ACSS3: variants seen among roughly 807,000 people sequenced by gnomAD.
The protein encoded by ACSS3 is acyl-CoA synthetase short-chain family member 3, mitochondrial.
ACSS3 carries 64 observed loss-of-function variants against 84.2 expected under a neutral mutation model. The observed-to-expected ratio is 0.76, with a 90% confidence interval of 0.62 to 0.94. The LOEUF (loss-of-function observed/expected upper bound fraction) is 0.94. Ranked by LOEUF, ACSS3 falls within the 40% of genes least tolerant of loss-of-function variation. The pLI is 0.00. For synonymous variants in ACSS3, 317 were observed against 310.1 expected, an observed-to-expected ratio of 1.02 and a Z score of -0.23; for missense variants, 815 against 867.6, an observed-to-expected ratio of 0.94 and a Z score of 0.76.
chr12:81,253,449 TTAAC>T (rs754046286), intron 14 of ACSS3, 42 bp from the exon 15 acceptor site: 225 of 1,613,550 alleles, frequency 1.4e-4, no homozygotes, highest in Non-Finnish European at 1.9e-4. Context: ...ACCTGAATAA[TTAAC>T]TAAGGTTAAT....
chr12:81,194,781 C>T (rs950813812), intron 8 of ACSS3, among the ~76,000 whole-genome samples: 6 of 151,830 alleles, frequency 4.0e-5, no homozygotes, highest in African/African-American at 7.3e-5. Context: ...GATAAGTGCT[C>T]AATGCTAATG....
At chr12:81,171,961 T>C (rs2030082468) in intron 7 of ACSS3, among the ~76,000 whole-genome samples, 1 of 152,098 alleles carries the variant, frequency 6.6e-6, no homozygotes. Flanking sequence ...TATAGCTAAA[T>C]ATATCTAAAT....
Position 81,259,442 on chromosome 12 carries a change from T to C in ACSS3, c.*4520T>C. The C allele has an allele frequency of 4.5e-6, 3 of 660,718 alleles. No homozygotes were observed. Among genetic ancestry groups the C allele is most frequent in the Non-Finnish European group, 8.1e-6 (3 of 371,132 alleles). 40.9% of individuals were successfully genotyped at this position (660,718 alleles called of 1,614,324 possible). On this transcript the variant is annotated 3_prime_UTR_variant, in exon 16 of 16. Transcript: ENST00000548058. ...CATCTGTTGTACAGAGTTTATGATG[T>C]AGATGATGTTTATTATTCAAATGAC...
At chr12:81,116,196 G>A (rs1389305542) in intron 2 of ACSS3, among the ~76,000 whole-genome samples, 1 of 151,968 alleles carries the variant, frequency 6.6e-6, no homozygotes, top group Non-Finnish European at 1.5e-5. Context: ...TATCAAAATT[G>A]TAACTGGAAC....
chr12:81,085,052 C>T (rs1881224828), intron 1 of ACSS3, among the ~76,000 whole-genome samples: 1 of 152,120 alleles, frequency 6.6e-6, no homozygotes, highest in South Asian at 2.1e-4. Context: ...TCCTCTCCTC[C>T]CTTTAAGAAG....
chr12:81,142,288 C>A (rs1177397032), intron 4 of ACSS3, among the ~76,000 whole-genome samples: 7 of 152,090 alleles, frequency 4.6e-5, no homozygotes. Context: ...CAGCTAACAT[C>A]TAAGAAAAAA....
At chr12:81,139,737 G>A (rs1210135472) in intron 4 of ACSS3, among the ~76,000 whole-genome samples, 1 of 151,434 alleles carries the variant, frequency 6.6e-6, no homozygotes, top group Admixed American at 6.6e-5. Context: ...CTGGGTTCAT[G>A]CCATTCTCCT....
chr12:81,174,079 G>C (rs897328570), intron 7 of ACSS3, among the ~76,000 whole-genome samples: 6 of 152,152 alleles, frequency 3.9e-5, no homozygotes, highest in Admixed American at 6.5e-5. Context: ...TTATGGGTTA[G>C]TTAGAATGTT....
chr12:81,216,298 T>C (rs2032912791), intron 9 of ACSS3, among the ~76,000 whole-genome samples: 1 of 150,344 alleles, frequency 6.7e-6, no homozygotes, highest in African/African-American at 2.5e-5. Context: ...CGGGGACTGT[T>C]GTGGGGTTGG....
At chr12:81,166,664 A>G (rs547251419) in intron 7 of ACSS3, among the ~76,000 whole-genome samples, 7 of 152,246 alleles carry the variant, frequency 4.6e-5, no homozygotes, top group Non-Finnish European at 1.0e-4. Flanking sequence ...CACTTTGGTG[A>G]TCAGGGTATC....
intron 2 of ACSS3, among the ~76,000 whole-genome samples, chr12:81,130,762 T>C (rs1470954914): frequency 6.6e-6 from 1 of 152,244 alleles, no homozygotes; most frequent in Admixed American, 6.5e-5. Context: ...TGGTTTTAGG[T>C]CTAACATTTA....
intron 1 of ACSS3, among the ~76,000 whole-genome samples, chr12:81,095,734 T>G (rs1322301325): frequency 1.3e-5 from 2 of 152,146 alleles, no homozygotes; most frequent in African/African-American, 4.8e-5. Flanking sequence ...TAATCCGAGA[T>G]GATCTGGCAA....
At chr12:81,230,873 TG>T in intron 11 of ACSS3, among the ~76,000 whole-genome samples, 183 bp from the exon 12 acceptor site, 1 of 151,878 alleles carries the variant, frequency 6.6e-6, no homozygotes, top group Non-Finnish European at 1.5e-5. Flanking sequence ...TCAACAATTC[TG>T]CTGTACAATG....
chr12:81,205,004 C>T (rs371136289), intron 9 of ACSS3, among the ~76,000 whole-genome samples: 12 of 152,216 alleles, frequency 7.9e-5, no homozygotes, highest in African/African-American at 2.2e-4. Flanking sequence ...TGCCTTGAGC[C>T]ATCTTTGTGG....
intron 8 of ACSS3, among the ~76,000 whole-genome samples, chr12:81,191,360 T>G (rs566067253): frequency 6.6e-6 from 1 of 152,232 alleles, no homozygotes; most frequent in Non-Finnish European, 1.5e-5. Flanking sequence ...GAGATTCCTT[T>G]AAAATCTAGA....
chr12:81,228,389 C>T (rs1786738010), intron 11 of ACSS3, among the ~76,000 whole-genome samples: 1 of 151,724 alleles, frequency 6.6e-6, no homozygotes, highest in African/African-American at 2.4e-5. Flanking sequence ...TGTGTATTGT[C>T]CTTGTTCTTC....
chr12:81,126,894 GA>G (rs1366508940), intron 2 of ACSS3, among the ~76,000 whole-genome samples: 4 of 151,956 alleles, frequency 2.6e-5, no homozygotes, highest in African/African-American at 9.7e-5. Flanking sequence ...AATTATTTGA[GA>G]AGAAATGTGC....
intron 13 of ACSS3, among the ~76,000 whole-genome samples, chr12:81,238,261 T>C (rs10862271): frequency 0.68 from 102,488 of 151,424 alleles, 35,112 homozygotes; most frequent in Non-Finnish European, 0.74. Context: ...ATGCTCATGA[T>C]GGCCTCTGTC....
At chr12:81,250,366 G>T (rs2034112582) in intron 13 of ACSS3, among the ~76,000 whole-genome samples, 1 of 152,012 alleles carries the variant, frequency 6.6e-6, no homozygotes, top group Non-Finnish European at 1.5e-5. Flanking sequence ...CATAATTCTT[G>T]AAAATGATTT....
Sources: allele counts gnomAD v4.1 joint callset (sites outside exome capture counted in the v4.1 genomes callset), GRCh38; gene constraint gnomAD v4.1.1; transcripts MANE v1.5; gene names NCBI Gene and HGNC (gene_info 2026-07-23, HGNC 2026-07-21).